The following ELP4 variants were observed in gnomAD, a reference collection of about 807,000 sequenced individuals.
ELP4 encodes elongator complex protein 4.
Under a neutral mutation model 48.9 loss-of-function variants are expected in ELP4, and 51 were observed. The ratio of observed to expected loss-of-function variants is 1.04; its 90% CI spans 0.83 to 1.32. The LOEUF is 1.32. Ranked by LOEUF, ELP4 falls within the 40% of genes most tolerant of loss-of-function variation. The probability of loss-of-function intolerance (pLI) is 0.00; values close to 1 mark genes in which losing one functional copy is unlikely to be tolerated. For synonymous variants in ELP4, 210 were observed against 189.2 expected, an observed-to-expected ratio of 1.11 and a Z score of -0.90; for missense variants, 519 against 514.6, an observed-to-expected ratio of 1.01 and a Z score of -0.08.
intron 9 of ELP4, among the ~76,000 whole-genome samples, chr11:31,712,926 C>A (rs953218615): frequency 6.6e-6 from 1 of 152,174 alleles, no homozygotes; most frequent in East Asian, 1.9e-4. Context: ...CACTGCTCAT[C>A]TATGCCACTA....
In ELP4 at chr11:31,789,487, T is replaced by A. The variant is rs938966028; in HGVS notation, c.*5963T>A. On this transcript the variant is annotated 3_prime_UTR_variant, in exon 10 of 10. Coordinates refer to ENST00000640961, the MANE Select transcript of ELP4 (RefSeq NM_019040.5). Reference sequence around the variant, plus strand: ...GATACAAACTTGGAACATCAGTCCATAAACTATGAACAGATGGGTAGAAGT... The same window carrying A: ...GATACAAACTTGGAACATCAGTCCAAAAACTATGAACAGATGGGTAGAAGT... The A allele has an allele frequency of 1.8e-6, 1 of 542,778 alleles. No homozygotes were observed. The highest frequency in any genetic ancestry group is 3.5e-5 in the Admixed American group (1 of 28,344). The allele number at this position is 542,778 out of a possible 1,614,324, so 33.6% of individuals were successfully genotyped here. A position where few individuals can be genotyped will look rare whatever the true frequency, so the allele number is the denominator to read the frequency against.
intron 4 of ELP4, among the ~76,000 whole-genome samples, chr11:31,602,950 A>C (rs1021123900): frequency 6.6e-6 from 1 of 151,972 alleles, no homozygotes; most frequent in African/African-American, 2.4e-5. Flanking sequence ...GAATGAAAGA[A>C]ATTAGCTCAA....
At chr11:31,633,133 G>GT (rs1944899987) in intron 7 of ELP4, 1 of 152,030 alleles carries the variant, frequency 6.6e-6, no homozygotes, top group Non-Finnish European at 1.5e-5. Context: ...TTCAGTAAAT[G>GT]TTAAATGAAT....
chr11:31,582,090 G>A (rs772779231), intron 3 of ELP4, among the ~76,000 whole-genome samples: 28 of 152,134 alleles, frequency 1.8e-4, no homozygotes, highest in Non-Finnish European at 3.4e-4. Flanking sequence ...TAGGATGGTG[G>A]TGAAGAGGAT....
At chr11:31,610,679 C>T (rs2134012160) in intron 5 of ELP4, among the ~76,000 whole-genome samples, 1 of 152,296 alleles carries the variant, frequency 6.6e-6, no homozygotes, top group South Asian at 2.1e-4. Flanking sequence ...AGAGAAACTG[C>T]TTGCTTGCAT....
chr11:31,754,495 A>G (rs908241231), intron 9 of ELP4, among the ~76,000 whole-genome samples: 1 of 152,044 alleles, frequency 6.6e-6, no homozygotes, highest in Non-Finnish European at 1.5e-5. Context: ...TATTCCTTGC[A>G]TTGTTCCCTA....
intron 2 of ELP4, among the ~76,000 whole-genome samples, chr11:31,533,387 T>C (rs1956436138): frequency 1.5e-5 from 2 of 129,956 alleles, no homozygotes; most frequent in African/African-American, 6.0e-5. Context: ...TTTTTTTTTT[T>C]TTTTTTTTGT....
At chr11:31,673,765 A>G (rs1186003529) in intron 9 of ELP4, among the ~76,000 whole-genome samples, 2 of 152,266 alleles carry the variant, frequency 1.3e-5, no homozygotes, top group Non-Finnish European at 2.9e-5. Context: ...ATTATTTAAA[A>G]GAGAACACCT....
intron 9 of ELP4, chr11:31,706,944 T>C (rs1004296368): frequency 3.0e-5 from 12 of 398,134 alleles, no homozygotes; most frequent in Non-Finnish European, 4.9e-5. Context: ...TATTATTCCA[T>C]TGTGTATGTA....
At chr11:31,712,562 G>T (rs906796261) in intron 9 of ELP4, among the ~76,000 whole-genome samples, 1 of 151,944 alleles carries the variant, frequency 6.6e-6, no homozygotes, top group African/African-American at 2.4e-5. Context: ...AAGGTAAAAA[G>T]GATTTGTTTA....
Position 31,783,668 on chromosome 11 carries a change from T to C in ELP4, c.*144T>C. 1 of 764,592 alleles carries C rather than the reference T, an allele frequency of 1.3e-6. No individual in the cohort carries two copies. The allele number at this position is 764,592 out of a possible 1,614,324, so 47.4% of individuals were successfully genotyped here. ...TATAAAATGGTGCCGCCATTTCTCA[T>C]TTTTTAACTTTTTACAGAACTAGCA... On this transcript the variant is annotated 3_prime_UTR_variant, in exon 10 of 10. Coordinates refer to ENST00000640961, the MANE Select transcript of ELP4 (RefSeq NM_019040.5).
intron 3 of ELP4, among the ~76,000 whole-genome samples, chr11:31,581,049 A>T (rs535652486): frequency 6.6e-6 from 1 of 152,168 alleles, no homozygotes; most frequent in Non-Finnish European, 1.5e-5. Flanking sequence ...AGAGGTAACA[A>T]TTGCCTCATT....
intron 9 of ELP4, chr11:31,651,004 A>G: frequency 6.6e-6 from 1 of 151,676 alleles, no homozygotes; most frequent in South Asian, 2.1e-4. Context: ...GCTCCTAAGC[A>G]GGCCACTTGT....
chr11:31,647,808 G>A lies in ELP4; in HGVS notation c.995G>A (p.Gly332Asp), dbSNP rs1200149789. 6.2e-7 allele frequency: 1 copy of A among 1,608,854 alleles called. No homozygotes were observed. The highest frequency in any genetic ancestry group is 8.5e-7 in the Non-Finnish European group (1 of 1,176,248). The change falls in exon 8 of 10, where the codon GGT becomes GAT. Residue 332 changes from glycine (G) to aspartate (D), a missense_variant. By Grantham distance (94) the Gly-to-Asp change is moderately conservative. Transcript: ENST00000640961. ...DVVVGLESFI[G>D]SERETNPLYK... The stretch of plus-strand genomic sequence containing the variant: ...GTAGTTGGTCTGGAATCATTTATTG[G>A]TTCTGAGAGAGAAACTAACCCATTG...
chr11:31,677,589 T>TA lies in ELP4; in HGVS notation c.1143+27369dup, dbSNP rs201699079. On this transcript the variant is annotated intron_variant, in intron 9 of 9. Transcript: ENST00000640961. ...AATACTCCAAGTTTTTTCATGGTTA[T>TA]AGTAGTTGATTATAATCTACAAAAA... 7.7e-3 allele frequency among the ~76,000 whole-genome samples: 1,179 copies of TA among 152,284 alleles called. 21 individuals are homozygous for TA. Among genetic ancestry groups the TA allele is most frequent in the African/African-American group, 0.027 (1,131 of 41,556 alleles).
chr11:31,721,244 T>A (rs1946953035), intron 9 of ELP4, among the ~76,000 whole-genome samples: 1 of 152,206 alleles, frequency 6.6e-6, no homozygotes, highest in Non-Finnish European at 1.5e-5. Context: ...GAAGTTTCTG[T>A]TTCAAGGCTT....
intron 9 of ELP4, among the ~76,000 whole-genome samples, chr11:31,666,743 T>C (rs2134099466): frequency 6.6e-6 from 1 of 151,120 alleles, no homozygotes; most frequent in South Asian, 2.1e-4. Flanking sequence ...CCATTTTTAC[T>C]ATCTAGAGAA....
At chr11:31,711,057 G>GAT (rs1462710690) in intron 9 of ELP4, among the ~76,000 whole-genome samples, 1 of 152,124 alleles carries the variant, frequency 6.6e-6, no homozygotes, top group Non-Finnish European at 1.5e-5. Context: ...TTTTAGATTG[G>GAT]ATATGAATAT....
intron 9 of ELP4, among the ~76,000 whole-genome samples, chr11:31,660,257 A>G (rs1231802752): frequency 6.6e-6 from 1 of 152,166 alleles, no homozygotes; most frequent in Non-Finnish European, 1.5e-5. Flanking sequence ...TCCATAAGAA[A>G]TATTTTCCCA....
Sources: gnomAD v4.1 joint callset for allele counts (sites outside exome capture counted in the v4.1 genomes callset) on GRCh38, gnomAD v4.1.1 for gene constraint, MANE v1.5 for transcripts, NCBI Gene and HGNC (gene_info 2026-07-23, HGNC 2026-07-21) for gene names.